EPM2A: variants seen among roughly 807,000 people sequenced by gnomAD.
The protein encoded by EPM2A is EPM2A glucan phosphatase, laforin, also known as laforin.
EPM2A carries 21 observed loss-of-function variants against 26.5 expected under a neutral mutation model. The observed-to-expected ratio is 0.79, with a 90% confidence interval of 0.56 to 1.14. EPM2A has a LOEUF of 1.14. EPM2A is among the 50% of genes most tolerant of loss of function. EPM2A has a pLI of 0.00. For missense variants in EPM2A, 458 were observed against 440.8 expected (o/e 1.04, Z -0.35); for synonymous variants, 217 against 177.6 (o/e 1.22, Z -1.76).
At position 145,627,624 on chromosome 6, in the gene EPM2A, T is replaced by C. The variant is rs1264209228; in HGVS notation, c.788A>G (p.Tyr263Cys). Reference sequence around the variant, plus strand: ...GCCCACCCCAGCGTTGCAGTGCACGTACACGATGTGTCCCTTCTCCAGCAG... The same window carrying C: ...GCCCACCCCAGCGTTGCAGTGCACGCACACGATGTGTCCCTTCTCCAGCAG... Reference protein sequence around the residue: ...HALLEKGHIVYVHCNAGVGRS... With the variant: ...HALLEKGHIVCVHCNAGVGRS... Residue 263 changes from tyrosine to cysteine, a missense_variant, in exon 4 of 4, where the codon TAC (tyrosine) becomes TGC (cysteine). Tyr to Cys is a radical substitution (Grantham distance 194, BLOSUM62 -2). Transcript: ENST00000367519. 1 of 1,614,208 alleles carries C rather than the reference T, an allele frequency of 6.2e-7. No individual in the cohort carries two copies. The highest frequency in any genetic ancestry group is 1.7e-5 in the Admixed American group (1 of 60,034).
Position 145,675,042 on chromosome 6 carries a change from C to T in EPM2A, c.476+11080G>A, listed in dbSNP as rs1421742973. Among the ~76,000 whole-genome samples, 5 of 152,280 alleles carry T rather than the reference C, an allele frequency of 3.3e-5. No individual in the cohort carries two copies. In the East Asian group the frequency reaches 7.7e-4, roughly 24 times the overall value. On this transcript the variant is annotated intron_variant, in intron 2 of 3. Coordinates refer to ENST00000367519, the MANE Select transcript of EPM2A (RefSeq NM_005670.4). ...GTTAAGGGCAGCCAGAGAGAAAGGT[C>T]GGGTTACCCACAAAAGGAAACCCAT...
At chr6:145,611,988 G>A (rs1457397424) in intron 2 of EPM2A, among the ~76,000 whole-genome samples, 8 of 152,136 alleles carry the variant, frequency 5.3e-5, no homozygotes, top group Non-Finnish European at 1.0e-4. Flanking sequence ...TAGGCATGGG[G>A]ACATTTTACA....
intron 2 of EPM2A, among the ~76,000 whole-genome samples, chr6:145,646,335 A>T (rs1292338): frequency 6.6e-6 from 1 of 150,902 alleles, no homozygotes; most frequent in Non-Finnish European, 1.5e-5. Context: ...TTTTTTTTTT[A>T]ATTTTTTATT....
At chr6:145,568,308 C>T (rs751879502) in intron 2 of EPM2A, among the ~76,000 whole-genome samples, 11 of 149,354 alleles carry the variant, frequency 7.4e-5, no homozygotes, top group Non-Finnish European at 1.6e-4. Context: ...AGAACAGTAA[C>T]CCAGGACATC....
intron 1 of EPM2A, among the ~76,000 whole-genome samples, chr6:145,726,790 A>G (rs1035846865): frequency 2.0e-5 from 3 of 152,148 alleles, no homozygotes; most frequent in African/African-American, 4.8e-5. Context: ...TCACAGTCAT[A>G]ATAAATGTAA....
intron 4 of EPM2A, among the ~76,000 whole-genome samples, chr6:145,468,987 T>C (rs946768798): frequency 3.9e-5 from 6 of 152,112 alleles, no homozygotes; most frequent in Non-Finnish European, 5.9e-5. Flanking sequence ...AAGATCTTAA[T>C]AGACATTTGT....
At chr6:145,703,162 A>T (rs1782022821) in intron 1 of EPM2A, among the ~76,000 whole-genome samples, 1 of 143,450 alleles carries the variant, frequency 7.0e-6, no homozygotes, top group South Asian at 2.1e-4. Context: ...GCACCATCTC[A>T]CTCACTGCAA....
chr6:145,396,017 C>T, intron 4 of EPM2A, among the ~76,000 whole-genome samples: 1 of 152,140 alleles, frequency 6.6e-6, no homozygotes, highest in Non-Finnish European at 1.5e-5. Flanking sequence ...TCAGAGTTGC[C>T]TGTGATTTCA....
intron 2 of EPM2A, among the ~76,000 whole-genome samples, chr6:145,519,246 G>C (rs943269088): frequency 6.6e-6 from 1 of 152,258 alleles, no homozygotes; most frequent in Non-Finnish European, 1.5e-5. Context: ...TGTATTTTTA[G>C]TGTCTTCCAG....
chr6:145,729,112 G>T (rs1447042406), intron 1 of EPM2A, among the ~76,000 whole-genome samples: 1 of 152,186 alleles, frequency 6.6e-6, no homozygotes, highest in Non-Finnish European at 1.5e-5. Flanking sequence ...TTTAGGCTTG[G>T]GAGCCTCCAC....
At chr6:145,610,960 C>T (rs929958714) in intron 2 of EPM2A, among the ~76,000 whole-genome samples, 6 of 152,292 alleles carry the variant, frequency 3.9e-5, no homozygotes, top group African/African-American at 1.4e-4. Flanking sequence ...TGAACTACTA[C>T]TAAACCAGTT....
intron 4 of EPM2A, among the ~76,000 whole-genome samples, chr6:145,412,130 T>C (rs1246672569): frequency 6.7e-6 from 1 of 150,086 alleles, no homozygotes; most frequent in Non-Finnish European, 1.5e-5. Context: ...GGCAGGAGAA[T>C]CTCTTGAACC....
At chr6:145,527,664 C>A (rs1780295442) in intron 2 of EPM2A, among the ~76,000 whole-genome samples, 1 of 151,972 alleles carries the variant, frequency 6.6e-6, no homozygotes, top group Non-Finnish European at 1.5e-5. Context: ...CTATGGGTGT[C>A]ATTACTTATA....
rs764589523 is a variant in EPM2A at position 145,668,751 on chromosome 6, C to G, written c.476+17371G>C. On this transcript the variant is annotated intron_variant, in intron 2 of 3. Coordinates refer to ENST00000367519, the MANE Select transcript of EPM2A (RefSeq NM_005670.4). ...GGACACTGTGTGAGATGACTTTTCC[C>G]TCATAGTCAGAAGTAGCTAAGGGTT... Among the ~76,000 whole-genome samples the G allele has an allele frequency of 1.4e-4, 21 of 152,080 alleles. No individual in the cohort carries two copies. The East Asian group carries it at 3.1e-3, about 22-fold the overall frequency.
chr6:145,728,247 T>C lies in EPM2A; in HGVS notation c.301+6951A>G, dbSNP rs530313801. ...GGTTCTGGGAAGAGGTGCATTACTA[T>C]AAAGATACCTGAAAATGTGGAAGCA... is the stretch of plus-strand genomic sequence containing the variant. On this transcript the variant is annotated intron_variant, in intron 1 of 3. Coordinates refer to ENST00000367519, the MANE Select transcript of EPM2A (RefSeq NM_005670.4). Among the ~76,000 whole-genome samples the C allele has an allele frequency of 3.3e-5, 5 of 152,336 alleles. No individual in the cohort carries two copies. In the South Asian group the frequency reaches 1.0e-3, roughly 32 times the overall value.
chr6:145,435,718 T>C (rs1778981066), intron 4 of EPM2A, among the ~76,000 whole-genome samples: 1 of 152,120 alleles, frequency 6.6e-6, no homozygotes, highest in Admixed American at 6.6e-5. Flanking sequence ...TTTAGATACT[T>C]AATATATGTG....
At position 145,462,715 on chromosome 6, in the gene EPM2A, A is replaced by G. The variant is rs191297206; in HGVS notation, c.555+39807T>C. ...GGCAGTCTTCCTCTTACTTGCCACA[A>G]GCATGTACACTATGTCAACACATCT... On this transcript the variant is annotated intron_variant, in intron 4 of 4. Transcript: ENST00000638717. Among the ~76,000 whole-genome samples, 28 of 152,278 alleles carry G rather than the reference A, an allele frequency of 1.8e-4. No homozygotes were observed. The East Asian group carries it at 5.0e-3, about 27-fold the overall frequency.
downstream of EPM2A, among the ~76,000 whole-genome samples, chr6:145,624,289 TACAGTC>T (rs942532806): frequency 5.3e-5 from 8 of 152,210 alleles, no homozygotes; most frequent in African/African-American, 1.9e-4. Flanking sequence ...CCTCTGCTTC[TACAGTC>T]ACACCTTCTC....
At chr6:145,492,998 C>T (rs1779774036) in intron 4 of EPM2A, among the ~76,000 whole-genome samples, 1 of 152,202 alleles carries the variant, frequency 6.6e-6, no homozygotes, top group African/African-American at 2.4e-5. Flanking sequence ...CAGAATTTCT[C>T]TGCCTCCTGT....
Sources: allele counts gnomAD v4.1 joint callset (sites outside exome capture counted in the v4.1 genomes callset), GRCh38; gene constraint gnomAD v4.1.1; transcripts MANE v1.5; gene names NCBI Gene and HGNC (gene_info 2026-07-23, HGNC 2026-07-21).